The following SCARB2 variants were observed in gnomAD, a reference collection of about 807,000 sequenced individuals.
SCARB2 encodes scavenger receptor class B member 2.
A neutral mutation model predicts 58.6 loss-of-function variants in SCARB2; 29 were observed. That is an observed-to-expected ratio of 0.49 (90% CI 0.37 to 0.67). The LOEUF is 0.67. Ranked by LOEUF, SCARB2 falls within the 30% of genes least tolerant of loss-of-function variation. The pLI, the probability that SCARB2 is intolerant of heterozygous loss-of-function variation, is 0.00. For missense variants in SCARB2, 488 were observed against 578.5 expected (o/e 0.84, Z 1.60); for synonymous variants, 195 against 210.1 (o/e 0.93, Z 0.62).
intron 1 of SCARB2, among the ~76,000 whole-genome samples, chr4:76,209,326 G>A (rs141853379): frequency 1.1e-3 from 162 of 152,174 alleles, no homozygotes; most frequent in Admixed American, 2.6e-3. Context: ...ACCAATCAAA[G>A]CAATCTGGTT....
chr4:76,191,029 G>C (rs1390860731), intron 2 of SCARB2, among the ~76,000 whole-genome samples: 4 of 152,102 alleles, frequency 2.6e-5, no homozygotes, highest in Non-Finnish European at 4.4e-5. Context: ...ACACTATTTT[G>C]GATAGTTTGC....
chr4:76,213,257 C>T lies in SCARB2; in HGVS notation c.117+170G>A, dbSNP rs113092384. ...GAACAGAGTCGGCTCCATCCTTCCT[C>T]ATCCTTCTTTAACCCTCGCCTACCA... On this transcript the variant is annotated intron_variant, in intron 1 of 11. Transcript: ENST00000264896. 1.3e-3 allele frequency: 848 copies of T among 676,976 alleles called. 12 individuals carry two copies. In the African/African-American group the frequency reaches 0.013, roughly 11 times the overall value. 41.9% of individuals were successfully genotyped at this position (676,976 alleles called of 1,614,324 possible). A position where few individuals can be genotyped will look rare whatever the true frequency, so the allele number is the denominator to read the frequency against.
At chr4:76,188,956 G>T (rs1732544101) in intron 2 of SCARB2, among the ~76,000 whole-genome samples, 1 of 152,164 alleles carries the variant, frequency 6.6e-6, no homozygotes, top group Non-Finnish European at 1.5e-5. Context: ...CTATATTTGG[G>T]TTTCCTGAAC....
At chr4:76,169,009 G>T (rs1732070618) in intron 8 of SCARB2, among the ~76,000 whole-genome samples, 1 of 152,232 alleles carries the variant, frequency 6.6e-6, no homozygotes, top group South Asian at 2.1e-4. Context: ...ATAAGACTGT[G>T]TTCGTCCCTT....
chr4:76,190,686 A>G (rs1191965736), intron 2 of SCARB2, among the ~76,000 whole-genome samples: 1 of 152,188 alleles, frequency 6.6e-6, no homozygotes, highest in Non-Finnish European at 1.5e-5. Flanking sequence ...GGGGAGGCTG[A>G]GGCAGAAGAA....
In SCARB2 at chr4:76,195,811, A is replaced by G. The variant is rs199895330; in HGVS notation, c.171T>C (p.Pro57=). The G allele has an allele frequency of 1.3e-3, 2,024 of 1,613,828 alleles. 34 individuals carry two copies. Among genetic ancestry groups the G allele is most frequent in the East Asian group, 4.7e-4 (21 of 44,888 alleles). The change falls in exon 2 of 12, where the codon CCT becomes CCC. Residue 57 remains proline (P), a synonymous_variant. Coordinates refer to ENST00000264896, the MANE Select transcript of SCARB2 (RefSeq NM_005506.4). ...AATAGAACTGAGTATACACAGGCAG[A>G]GGGGGCTTCTCCCAGGAGTCAAATG... ...TEAFDSWEKP[P]LPVYTQFYFF...
chr4:76,160,176 T>G lies in SCARB2; in HGVS notation c.*1537A>C, dbSNP rs538469471. 8 of 152,364 alleles carry G rather than the reference T, an allele frequency of 5.3e-5. No individual in the cohort carries two copies. The South Asian group carries it at 1.7e-3, about 32-fold the overall frequency. The allele number at this position is 152,364 out of a possible 1,614,324, so 9.4% of individuals were successfully genotyped here. A position where few individuals can be genotyped will look rare whatever the true frequency, so the allele number is the denominator to read the frequency against. On this transcript the variant is annotated 3_prime_UTR_variant, in exon 12 of 12. Coordinates refer to ENST00000264896, the MANE Select transcript of SCARB2 (RefSeq NM_005506.4). ...AAAAATTGTCAGTAAAACAATTTAT[T>G]ACCTCAATACAGGGATAAGAAGCTA...
intron 4 of SCARB2, among the ~76,000 whole-genome samples, chr4:76,178,456 G>GT (rs1732307167): frequency 6.6e-6 from 1 of 152,334 alleles, no homozygotes; most frequent in East Asian, 1.9e-4. Context: ...CTGAGAAACA[G>GT]TGAGATATTA....
intron 7 of SCARB2, chr4:76,173,915 C>G: frequency 1.8e-6 from 1 of 562,898 alleles, no homozygotes; most frequent in Non-Finnish European, 3.2e-6. Flanking sequence ...TTCTATTGGG[C>G]TGACAATATA....
intron 8 of SCARB2, among the ~76,000 whole-genome samples, chr4:76,169,000 T>C (rs1288133820): frequency 6.6e-6 from 1 of 152,210 alleles, no homozygotes; most frequent in Non-Finnish European, 1.5e-5. Context: ...ACTAAGGTTA[T>C]AAGACTGTGT....
rs1553947566 is a variant in SCARB2 at position 76,169,317 on chromosome 4, T to TACACAC, written c.1113+544_1113+549dup. Among the ~76,000 whole-genome samples the TACACAC allele has an allele frequency of 3.0e-3, 377 of 127,450 alleles. 1 individual carries two copies. The highest frequency in any genetic ancestry group is 7.6e-3 in the African/African-American group (218 of 28,514). 83.6% of individuals were successfully genotyped at this position (127,450 alleles called of 152,430 possible). On this transcript the variant is annotated intron_variant, in intron 8 of 11. Transcript: ENST00000264896. Reference sequence around the variant, plus strand: ...TGAATACAGGAGTAAATGTGTATTATACACACACACACACACACACACACG... The same window carrying TACACAC: ...TGAATACAGGAGTAAATGTGTATTATACACACACACACACACACACACACACACACG...
chr4:76,160,794 C>G lies in SCARB2; in HGVS notation c.*919G>C, dbSNP rs901120798. On this transcript the variant is annotated 3_prime_UTR_variant, in exon 12 of 12. Transcript: ENST00000264896. ...CCATATTCATAATTTTACAAATAATCACTCAATATTAGATTAATTAATACA... is the reference window on the plus strand; with the variant it reads ...CCATATTCATAATTTTACAAATAATGACTCAATATTAGATTAATTAATACA... 2 of 152,132 alleles carry G rather than the reference C, an allele frequency of 1.3e-5. No individual in the cohort carries two copies. Among genetic ancestry groups the G allele is most frequent in the African/African-American group, 2.4e-5 (1 of 41,430 alleles). The allele number at this position is 152,132 out of a possible 1,614,324, so 9.4% of individuals were successfully genotyped here.
rs1178061045 is a variant in SCARB2, at chr4:76,224,520, C to T, written c.-358+9783G>A. Among the ~76,000 whole-genome samples, 4 of 152,140 alleles carry T rather than the reference C, an allele frequency of 2.6e-5. No homozygotes were observed. In the East Asian group the frequency reaches 7.7e-4, roughly 29 times the overall value. ...AGCTTTTAAGAAGATGTTCATACAT[C>T]TTAAAAGGGCAGAGAAAGAATAAAC... On this transcript the variant is annotated intron_variant, in intron 1 of 11. Coordinates refer to the SCARB2 transcript ENST00000638295.
intron 5 of SCARB2, 148 bp from the exon 6 acceptor site, chr4:76,176,058 A>G (rs1560708724): frequency 9.9e-7 from 1 of 1,005,706 alleles, no homozygotes; most frequent in African/African-American, 1.6e-5. Flanking sequence ...AATTAGATCA[A>G]GGGGGAGAAA....
intron 2 of SCARB2, chr4:76,193,735 T>C (rs1163580391): frequency 6.6e-6 from 1 of 152,238 alleles, no homozygotes; most frequent in African/African-American, 2.4e-5. Flanking sequence ...AATAACTTGT[T>C]TGATTTTACA....
At chr4:76,201,548 T>A (rs551208321) in intron 1 of SCARB2, among the ~76,000 whole-genome samples, 2 of 152,318 alleles carry the variant, frequency 1.3e-5, no homozygotes, top group East Asian at 3.9e-4. Flanking sequence ...ATCTTCAATG[T>A]GGCAAAATGC....
chr4:76,191,209 T>C (rs977913072), intron 2 of SCARB2, among the ~76,000 whole-genome samples: 2 of 152,208 alleles, frequency 1.3e-5, no homozygotes, highest in African/African-American at 2.4e-5. Context: ...ATAGAACACA[T>C]ACAAAATGGC....
At chr4:76,183,267 A>G (rs890517903) in intron 2 of SCARB2, among the ~76,000 whole-genome samples, 1 of 152,144 alleles carries the variant, frequency 6.6e-6, no homozygotes, top group Non-Finnish European at 1.5e-5. Flanking sequence ...CTCCAATTCA[A>G]TTCAATTCTG....
At chr4:76,166,103 A>C in intron 10 of SCARB2, 147 bp downstream of exon 10, 1 of 833,514 alleles carries the variant, frequency 1.2e-6, no homozygotes, top group East Asian at 2.4e-5. Flanking sequence ...TCATGTGAAC[A>C]TTTAAGTGAA....
Sources: gnomAD v4.1 joint callset for allele counts (sites outside exome capture counted in the v4.1 genomes callset) on GRCh38, gnomAD v4.1.1 for gene constraint, MANE v1.5 for transcripts, NCBI Gene and HGNC (gene_info 2026-07-23, HGNC 2026-07-21) for gene names.